The following PCDH15 variants were observed in gnomAD, a reference collection of about 807,000 sequenced individuals.
PCDH15 encodes the protein protocadherin related 15.
A neutral mutation model predicts 178.5 loss-of-function variants in PCDH15; 129 were observed. The observed-to-expected ratio is 0.72, with a 90% CI of 0.63 to 0.84. PCDH15 has a LOEUF of 0.84. Ranked by LOEUF, PCDH15 falls within the 40% of genes least tolerant of loss-of-function variation. PCDH15 has a pLI of 0.00. For synonymous variants in PCDH15, 800 were observed against 732.0 expected (o/e 1.09, Z -1.50); for missense variants, 2,230 against 2,099.9 (o/e 1.06, Z -1.21).
intron 18 of PCDH15, among the ~76,000 whole-genome samples, chr10:54,062,251 A>AAAAAAAAAAAAAAAAAAT (rs2094040618): frequency 1.3e-5 from 1 of 74,390 alleles, no homozygotes; most frequent in Non-Finnish European, 3.0e-5. Context: ...AAAAAAAAAA[A>AAAAAAAAAAAAAAAAAAT]ACAAAAAACA....
chr10:54,156,646 C>T (rs2045182793), intron 13 of PCDH15, among the ~76,000 whole-genome samples: 1 of 152,166 alleles, frequency 6.6e-6, no homozygotes, highest in Non-Finnish European at 1.5e-5. Flanking sequence ...TGGCCCCTCC[C>T]AAATCTAATG....
intron 1 of PCDH15, among the ~76,000 whole-genome samples, chr10:54,710,435 C>T (rs1215396067): frequency 6.6e-6 from 1 of 151,932 alleles, no homozygotes; most frequent in East Asian, 1.9e-4. Context: ...CTGAGCGAAG[C>T]ATTTCTCTCT....
chr10:55,153,172 G>C (rs1330644741), intron 2 of PCDH15, among the ~76,000 whole-genome samples: 2 of 152,038 alleles, frequency 1.3e-5, no homozygotes, highest in Non-Finnish European at 2.9e-5. Context: ...ACTTCCATAA[G>C]TGAAATGTCT....
chr10:54,713,630 CA>C (rs2095447706), intron 1 of PCDH15, among the ~76,000 whole-genome samples: 1 of 152,036 alleles, frequency 6.6e-6, no homozygotes, highest in South Asian at 2.1e-4. Context: ...GGCAAATAAT[CA>C]ATATGTCTAA....
intron 3 of PCDH15, among the ~76,000 whole-genome samples, chr10:54,442,227 G>A (rs1187594790): frequency 6.7e-6 from 1 of 150,302 alleles, no homozygotes; most frequent in Non-Finnish European, 1.5e-5. Context: ...TGTAGTGAGG[G>A]TAAAGTGTAA....
At chr10:53,825,266 A>T in intron 32 of PCDH15, 2 of 1,145,062 alleles carry the variant, frequency 1.7e-6, no homozygotes, top group South Asian at 4.4e-5. Context: ...CTTAGTACGT[A>T]TATCAAAAAA....
In PCDH15 at chr10:53,806,681, G is replaced by T. The variant is rs1372926284; in HGVS notation, c.5121C>A (p.Ile1707=). ...EQESMIDSKN[I]KEALEFHSDH... Reference sequence around the variant, plus strand: ...CACTATGAAATTCCAAAGCCTCCTTGATGTTCTTACTGTCAATCATGGACT... The same window carrying T: ...CACTATGAAATTCCAAAGCCTCCTTTATGTTCTTACTGTCAATCATGGACT... Residue 1707 remains isoleucine (I), a synonymous_variant, in exon 38 of 38, where the codon ATC becomes ATA. Coordinates refer to ENST00000644397, the MANE Select transcript of PCDH15 (RefSeq NM_001384140.1). 3 of 1,613,722 alleles carry T rather than the reference G, an allele frequency of 1.9e-6. No individual in the cohort carries two copies. Among genetic ancestry groups the T allele is most frequent in the African/African-American group, 2.7e-5 (2 of 74,914 alleles).
At chr10:54,506,521 T>A (rs1317569081) in intron 3 of PCDH15, among the ~76,000 whole-genome samples, 2 of 152,034 alleles carry the variant, frequency 1.3e-5, no homozygotes, top group Admixed American at 1.3e-4. Flanking sequence ...TAGTAAGTAA[T>A]CCTTAACATA....
chr10:54,686,681 C>T (rs1468315349), intron 1 of PCDH15, among the ~76,000 whole-genome samples: 1 of 152,132 alleles, frequency 6.6e-6, no homozygotes, highest in East Asian at 1.9e-4. Context: ...GACTTTTTGG[C>T]ACCCTTAGTG....
intron 9 of PCDH15, among the ~76,000 whole-genome samples, chr10:54,229,023 C>T (rs2053772496): frequency 6.6e-6 from 1 of 151,072 alleles, no homozygotes; most frequent in African/African-American, 2.5e-5. Flanking sequence ...ATTAATTTTA[C>T]ACCAAACTAA....
At chr10:54,437,615 G>A (rs2075509484) in intron 3 of PCDH15, among the ~76,000 whole-genome samples, 1 of 152,072 alleles carries the variant, frequency 6.6e-6, no homozygotes, top group Non-Finnish European at 1.5e-5. Flanking sequence ...ATGGTATCTT[G>A]TTAGCAAAAG....
intron 1 of PCDH15, among the ~76,000 whole-genome samples, chr10:54,712,237 A>T (rs1463027639): frequency 6.6e-6 from 1 of 151,952 alleles, no homozygotes. Flanking sequence ...TGAATATTTA[A>T]AAAAGCAGAA....
At chr10:55,215,567 G>A (rs1035543935) in intron 1 of PCDH15, among the ~76,000 whole-genome samples, 1 of 151,996 alleles carries the variant, frequency 6.6e-6, no homozygotes, top group Non-Finnish European at 1.5e-5. Context: ...CAAAATTTAA[G>A]ACTGTATTAG....
At chr10:54,471,604 C>T (rs1374084320) in intron 3 of PCDH15, among the ~76,000 whole-genome samples, 4 of 151,514 alleles carry the variant, frequency 2.6e-5, no homozygotes, top group Admixed American at 1.3e-4. Context: ...TAAAAAATAG[C>T]TGACTTATTG....
intron 3 of PCDH15, among the ~76,000 whole-genome samples, chr10:54,403,618 G>C (rs2135510040): frequency 6.6e-6 from 1 of 151,892 alleles, no homozygotes; most frequent in Non-Finnish European, 1.5e-5. Context: ...GAAAGAAAAA[G>C]GGGCATCCAA....
chr10:55,164,833 G>A (rs373065500), intron 2 of PCDH15, among the ~76,000 whole-genome samples: 32 of 152,130 alleles, frequency 2.1e-4, no homozygotes, highest in African/African-American at 6.7e-4. Flanking sequence ...CTCTTACTAC[G>A]CAAGCGGATT....
rs769054605 is a variant in PCDH15, at chr10:54,062,253, C to CAAAAAAAAAAAAAAAAAAAAAAAAAA, written c.2220+4503_2220+4504insTTTTTTTTTTTTTTTTTTTTTTTTTT. On this transcript the variant is annotated intron_variant, in intron 18 of 37. Transcript: ENST00000644397. The stretch of plus-strand genomic sequence containing the variant: ...AAAAAAAAAAAAAAAAAAAAAAAAA[C>CAAAAAAAAAAAAAAAAAAAAAAAAAA]AAAAAACAACTAAATGAAAACTCCC... Among the ~76,000 whole-genome samples the CAAAAAAAAAAAAAAAAAAAAAAAAAA allele has an allele frequency of 2.6e-5, 2 of 75,844 alleles. 1 individual carries two copies. Among genetic ancestry groups the CAAAAAAAAAAAAAAAAAAAAAAAAAA allele is most frequent in the Non-Finnish European group, 5.1e-5 (2 of 39,460 alleles). The allele number at this position is 75,844 out of a possible 152,430, so 49.8% of individuals were successfully genotyped here.
chr10:54,380,664 TATATATGCTCC>T (rs1190995539), intron 3 of PCDH15, among the ~76,000 whole-genome samples: 7 of 90,590 alleles, frequency 7.7e-5, no homozygotes, highest in African/African-American at 1.7e-4. Context: ...TATATATATA[TATATATGCTCC>T]ATATATATAT....
chr10:53,973,863 C>G (rs2089967600), intron 21 of PCDH15, among the ~76,000 whole-genome samples: 1 of 152,114 alleles, frequency 6.6e-6, no homozygotes, highest in Non-Finnish European at 1.5e-5. Context: ...GTAACATAGT[C>G]TCCTTCAGAA....
Sources: gnomAD v4.1 joint callset for allele counts (sites outside exome capture counted in the v4.1 genomes callset) on GRCh38, gnomAD v4.1.1 for gene constraint, MANE v1.5 for transcripts, NCBI Gene and HGNC (gene_info 2026-07-23, HGNC 2026-07-21) for gene names.